The following NARS2 variants were observed in gnomAD, a reference collection of about 807,000 sequenced individuals.
NARS2 encodes asparaginyl-tRNA synthetase 2, mitochondrial, also known as asparaginyl-tRNA synthetase.
In NARS2, 60 loss-of-function variants were observed where a neutral mutation model predicts 62.9. The observed-to-expected ratio is 0.95, with a 90% CI of 0.77 to 1.18. The LOEUF (loss-of-function observed/expected upper bound fraction) is 1.18. Among genes scored for constraint, NARS2 ranks in the 50% most tolerant of loss-of-function variants. NARS2 has a pLI of 0.00. For missense variants in NARS2, 619 were observed against 576.4 expected (o/e 1.07, Z -0.76); for synonymous variants, 196 against 200.0 (o/e 0.98, Z 0.17).
At chr11:78,519,883 C>T (rs571629455) in intron 6 of NARS2, among the ~76,000 whole-genome samples, 2 of 151,962 alleles carry the variant, frequency 1.3e-5, no homozygotes, top group Admixed American at 1.3e-4. Context: ...TTAGTAGAGA[C>T]GGGGTTTCAC....
In NARS2 at chr11:78,574,621, C is replaced by G. The variant is rs1857063050; in HGVS notation, c.-133G>C. On this transcript the variant is annotated 5_prime_UTR_variant, in exon 1 of 14. Coordinates refer to ENST00000281038, the MANE Select transcript of NARS2 (RefSeq NM_024678.6). Reference sequence around the variant, plus strand: ...TGCTCTAAGGCACTCCAGAGCCCCTCGGCTGCGCGCTTTCTCCTTCAGGAC... The same window carrying G: ...TGCTCTAAGGCACTCCAGAGCCCCTGGGCTGCGCGCTTTCTCCTTCAGGAC... 1 of 987,862 alleles carries G rather than the reference C, an allele frequency of 1.0e-6. No homozygotes were observed. Among genetic ancestry groups the G allele is most frequent in the Non-Finnish European group, 1.4e-6 (1 of 692,118 alleles). The allele number at this position is 987,862 out of a possible 1,614,324, so 61.2% of individuals were successfully genotyped here. A position where few individuals can be genotyped will look rare whatever the true frequency, so the allele number is the denominator to read the frequency against.
chr11:78,502,991 C>CAAAAAAAAAA (rs550751384), intron 6 of NARS2, among the ~76,000 whole-genome samples: 1,669 of 82,788 alleles, frequency 0.02, 215 homozygotes, highest in African/African-American at 0.099. Context: ...GAGACTGTCT[C>CAAAAAAAAAA]AAAAAAAAAA....
In NARS2 at chr11:78,478,680, T is replaced by A; in HGVS notation, c.826A>T (p.Ile276Leu). 1 of 1,599,160 alleles carries A rather than the reference T, an allele frequency of 6.3e-7. No homozygotes were observed. Among genetic ancestry groups the A allele is most frequent in the Non-Finnish European group, 8.5e-7 (1 of 1,169,798 alleles). ...VDSLQDLMQV[I>L]EELFKATTMM... ...GTTGTAGCCTTGAACAGTTCCTCTA[T>A]AACCTAAGAGAAATGAAATAGAATC... is the stretch of plus-strand genomic sequence containing the variant. The change falls in exon 8 of 14, where the codon ATA becomes TTA. Residue 276 changes from isoleucine (I) to leucine (L), a missense_variant. Coordinates refer to ENST00000281038, the MANE Select transcript of NARS2 (RefSeq NM_024678.6).
At chr11:78,534,948 A>C (rs1321644254) in intron 5 of NARS2, among the ~76,000 whole-genome samples, 1 of 152,240 alleles carries the variant, frequency 6.6e-6, no homozygotes, top group African/African-American at 2.4e-5. Context: ...GAATAACCAA[A>C]CGTTAAAACA....
At chr11:78,478,509 A>C (rs754053395) in intron 8 of NARS2, 34 bp from the exon 9 acceptor site, 14 of 1,236,596 alleles carry the variant, frequency 1.1e-5, no homozygotes, top group Non-Finnish European at 5.5e-6. Context: ...AATTTTAAAA[A>C]TATAATTTTA....
intron 5 of NARS2, chr11:78,555,081 G>A (rs933303355): frequency 4.6e-5 from 7 of 152,184 alleles, no homozygotes; most frequent in African/African-American, 1.7e-4. Context: ...CAGCAATGAA[G>A]CCTACTTCAT....
At chr11:78,525,629 A>G (rs1449718537) in intron 6 of NARS2, among the ~76,000 whole-genome samples, 11 of 152,192 alleles carry the variant, frequency 7.2e-5, no homozygotes, top group Admixed American at 7.2e-4. Context: ...ATAGAATTCC[A>G]AACATTCTCC....
chr11:78,492,774 T>C (rs1859880971), intron 7 of NARS2, among the ~76,000 whole-genome samples: 2 of 152,174 alleles, frequency 1.3e-5, no homozygotes, highest in Non-Finnish European at 1.5e-5. Flanking sequence ...TCACATAACC[T>C]TAGGAGTAAG....
Position 78,566,275 on chromosome 11 carries a change from G to A in NARS2, c.373-3C>T. On this transcript the variant is annotated splice_polypyrimidine_tract_variant and splice_region_variant and intron_variant, in intron 3 of 13. Coordinates refer to ENST00000281038, the MANE Select transcript of NARS2 (RefSeq NM_024678.6). ...TCTTTATATTTGATGGGGAAATCCT[G>A]CCAATAAATGAAAAGAACAAATTAG... The A allele has an allele frequency of 6.4e-7, 1 of 1,570,604 alleles. No homozygotes were observed. Among genetic ancestry groups the A allele is most frequent in the Admixed American group, 1.9e-5 (1 of 53,280 alleles).
intron 5 of NARS2, among the ~76,000 whole-genome samples, chr11:78,531,870 T>C (rs1393920172): frequency 1.3e-5 from 2 of 152,150 alleles, no homozygotes; most frequent in Non-Finnish European, 2.9e-5. Context: ...ATGGTTTGTG[T>C]AGAGGGGAAA....
intron 6 of NARS2, among the ~76,000 whole-genome samples, chr11:78,524,454 T>A (rs1861229429): frequency 6.6e-6 from 1 of 152,084 alleles, no homozygotes; most frequent in African/African-American, 2.4e-5. Flanking sequence ...TGGCTAAGCA[T>A]TAAAATGCCC....
At chr11:78,465,390 C>G (rs1858578720) in intron 11 of NARS2, among the ~76,000 whole-genome samples, 2 of 152,390 alleles carry the variant, frequency 1.3e-5, no homozygotes, top group South Asian at 2.1e-4. Context: ...CAAGTGCCGC[C>G]AAAGTGGGCG....
rs1220621549 is a variant in NARS2, at chr11:78,436,737, A to G, written c.1367T>C (p.Ile456Thr). 6.2e-7 allele frequency: 1 copy of G among 1,614,086 alleles called. No individual in the cohort carries two copies. The highest frequency in any genetic ancestry group is 8.5e-7 in the Non-Finnish European group (1 of 1,180,030). The change falls in exon 14 of 14, where the codon ATC (isoleucine) becomes ACC (threonine). Residue 456 changes from isoleucine (I) to threonine (T), a missense_variant. Physicochemically the swap from Ile to Thr is moderately conservative, Grantham distance 89 (BLOSUM62 -1). Coordinates refer to ENST00000281038, the MANE Select transcript of NARS2 (RefSeq NM_024678.6). ...ATCTTTGATATTGTCAACACCCAAG[A>G]TGCACTGCAGGTAGCGTTCAAATCC... ...GMGFERYLQC[I>T]LGVDNIKDVI... is the part of the protein sequence containing the mutation.
intron 6 of NARS2, among the ~76,000 whole-genome samples, chr11:78,520,829 G>T (rs1382138905): frequency 1.3e-5 from 2 of 152,238 alleles, no homozygotes; most frequent in East Asian, 3.9e-4. Context: ...GCCGAGGCGG[G>T]TGGATCACCT....
intron 5 of NARS2, among the ~76,000 whole-genome samples, chr11:78,536,759 A>C (rs912903703): frequency 6.6e-6 from 1 of 152,190 alleles, no homozygotes; most frequent in African/African-American, 2.4e-5. Context: ...AGTGTAGCTT[A>C]AGTACATAGG....
At chr11:78,443,247 AC>A (rs1391328492) in intron 12 of NARS2, among the ~76,000 whole-genome samples, 7 of 147,258 alleles carry the variant, frequency 4.8e-5, no homozygotes, top group Non-Finnish European at 8.9e-5. Context: ...AATGGCGTGA[AC>A]CCCGGGAGGC....
At chr11:78,465,446 A>C (rs1858581665) in intron 11 of NARS2, among the ~76,000 whole-genome samples, 1 of 152,260 alleles carries the variant, frequency 6.6e-6, no homozygotes, top group South Asian at 2.1e-4. Flanking sequence ...TGTGAGGGCT[A>C]CCAGCACGCT....
intron 6 of NARS2, among the ~76,000 whole-genome samples, chr11:78,526,248 A>C (rs766735020): frequency 1.2e-4 from 18 of 152,180 alleles, no homozygotes; most frequent in Non-Finnish European, 1.9e-4. Flanking sequence ...CTTTCTATAT[A>C]TTAAAAATTA....
chr11:78,538,410 C>T (rs562032765), intron 5 of NARS2, among the ~76,000 whole-genome samples: 7 of 152,226 alleles, frequency 4.6e-5, no homozygotes, highest in African/African-American at 1.4e-4. Context: ...AAAGAGCTTA[C>T]ATTCTAATGG....
Sources: allele counts gnomAD v4.1 joint callset (sites outside exome capture counted in the v4.1 genomes callset), GRCh38; gene constraint gnomAD v4.1.1; transcripts MANE v1.5; gene names NCBI Gene and HGNC (gene_info 2026-07-23, HGNC 2026-07-21).